The following NXPH1 variants were observed in gnomAD, a reference collection of about 807,000 sequenced individuals.
NXPH1 encodes neurexophilin 1.
A neutral mutation model predicts 23.7 loss-of-function variants in NXPH1; 5 were observed. That is an observed-to-expected ratio of 0.21 (90% CI 0.11 to 0.44). NXPH1 has a LOEUF of 0.44. Ranked by LOEUF, NXPH1 falls within the 20% of genes least tolerant of loss-of-function variation. NXPH1 has a pLI of 0.99. For synonymous variants in NXPH1, 144 were observed against 122.2 expected, an observed-to-expected ratio of 1.18 and a Z score of -1.18; for missense variants, 324 against 321.6, an observed-to-expected ratio of 1.01 and a Z score of -0.06.
At chr7:8,459,951 C>G (rs1816664901) in intron 2 of NXPH1, among the ~76,000 whole-genome samples, 1 of 152,260 alleles carries the variant, frequency 6.6e-6, no homozygotes, top group African/African-American at 2.4e-5. Context: ...CTGAGCTATG[C>G]TGTGACAACC....
At chr7:8,576,012 A>G (rs1818747561) in intron 2 of NXPH1, among the ~76,000 whole-genome samples, 1 of 152,168 alleles carries the variant, frequency 6.6e-6, no homozygotes, top group Non-Finnish European at 1.5e-5. Flanking sequence ...AAAACTTCCC[A>G]TCTCAATAGG....
rs537109607 is a variant in NXPH1 at position 8,495,560 on chromosome 7, G to A, written c.54+59793G>A. ...TTAGAGCCAATTCCATACTTTTCTA[G>A]CATTTTTTTTCATATTCTAAAAATG... On this transcript the variant is annotated intron_variant, in intron 2 of 2. Coordinates refer to ENST00000405863, the MANE Select transcript of NXPH1 (RefSeq NM_152745.3). Among the ~76,000 whole-genome samples the A allele has an allele frequency of 3.2e-4, 48 of 151,984 alleles. No individual in the cohort carries two copies. The Middle Eastern group carries it at 0.01, about 32-fold the overall frequency.
At chr7:8,457,280 T>G (rs1816612875) in intron 2 of NXPH1, among the ~76,000 whole-genome samples, 1 of 152,174 alleles carries the variant, frequency 6.6e-6, no homozygotes, top group South Asian at 2.1e-4. Context: ...CTCTGGTCTA[T>G]GTAGCCTAAA....
intron 2 of NXPH1, among the ~76,000 whole-genome samples, chr7:8,615,608 C>G (rs58844428): frequency 9.1e-4 from 139 of 152,128 alleles, no homozygotes; most frequent in African/African-American, 3.1e-3. Context: ...TGTAAAATAA[C>G]TATTATGTCA....
chr7:8,664,171 AGG>A (rs1176094549), intron 2 of NXPH1, among the ~76,000 whole-genome samples: 1 of 152,086 alleles, frequency 6.6e-6, no homozygotes, highest in Non-Finnish European at 1.5e-5. Flanking sequence ...AAGAAAGCGA[AGG>A]GTAAGCTTAT....
At chr7:8,668,335 T>C (rs980307395) in intron 2 of NXPH1, among the ~76,000 whole-genome samples, 1 of 152,000 alleles carries the variant, frequency 6.6e-6, no homozygotes, top group Non-Finnish European at 1.5e-5. Context: ...CTTATTTTAG[T>C]CTTTGCAGAC....
rs76161528 is a variant in NXPH1 at position 8,561,899 on chromosome 7, A to T, written c.54+126132A>T. 4.0e-3 allele frequency among the ~76,000 whole-genome samples: 606 copies of T among 151,832 alleles called. 5 individuals carry two copies. Among genetic ancestry groups the T allele is most frequent in the East Asian group, 0.013 (69 of 5,122 alleles). ...AGAACAAAGCAGTATGTGATTTTTT[A>T]AAAAAAGTATTGTATATATTTAACA... On this transcript the variant is annotated intron_variant, in intron 2 of 2. Transcript: ENST00000405863.
intron 2 of NXPH1, among the ~76,000 whole-genome samples, chr7:8,674,784 C>A (rs1470360318): frequency 6.6e-6 from 1 of 152,024 alleles, no homozygotes; most frequent in African/African-American, 2.4e-5. Flanking sequence ...AAGAGTAAAT[C>A]ATGCTCTCTG....
At chr7:8,444,055 T>G (rs1730033215) in intron 2 of NXPH1, among the ~76,000 whole-genome samples, 1 of 152,160 alleles carries the variant, frequency 6.6e-6, no homozygotes, top group Non-Finnish European at 1.5e-5. Context: ...GATCCAGAAA[T>G]AAGACGGATA....
At chr7:8,539,157 G>A (rs565256389) in intron 2 of NXPH1, among the ~76,000 whole-genome samples, 2 of 151,836 alleles carry the variant, frequency 1.3e-5, no homozygotes, top group South Asian at 2.1e-4. Context: ...TGGGTAGGTG[G>A]AAGGGGAGGA....
At chr7:8,533,740 C>T (rs933962456) in intron 2 of NXPH1, among the ~76,000 whole-genome samples, 1 of 152,072 alleles carries the variant, frequency 6.6e-6, no homozygotes, top group Non-Finnish European at 1.5e-5. Flanking sequence ...GACCCAGTGG[C>T]ATTGGTCCCA....
At chr7:8,471,623 G>A (rs1243323867) in intron 2 of NXPH1, among the ~76,000 whole-genome samples, 1 of 152,092 alleles carries the variant, frequency 6.6e-6, no homozygotes, top group Non-Finnish European at 1.5e-5. Flanking sequence ...TTCATCCATG[G>A]CCTTCAACTA....
intron 2 of NXPH1, among the ~76,000 whole-genome samples, chr7:8,524,419 T>C (rs10231666): frequency 0.34 from 51,849 of 151,788 alleles, 9,139 homozygotes; most frequent in African/African-American, 0.4. Context: ...ACAGGAGTCT[T>C]TCTGCAGGAT....
chr7:8,472,700 G>A (rs1433842904), intron 2 of NXPH1, among the ~76,000 whole-genome samples: 1 of 152,164 alleles, frequency 6.6e-6, no homozygotes, highest in African/African-American at 2.4e-5. Context: ...AGTCAGGGAA[G>A]CTGTTGGTTT....
chr7:8,636,475 C>G (rs1199357089), intron 2 of NXPH1, among the ~76,000 whole-genome samples: 1 of 152,160 alleles, frequency 6.6e-6, no homozygotes, highest in African/African-American at 2.4e-5. Context: ...ATGCCTACAG[C>G]CCATAATGAT....
chr7:8,656,987 G>A (rs1310965339), intron 2 of NXPH1, among the ~76,000 whole-genome samples: 1 of 152,148 alleles, frequency 6.6e-6, no homozygotes, highest in Non-Finnish European at 1.5e-5. Context: ...TTCCAATTGT[G>A]TATGGCAGAG....
At chr7:8,585,131 C>T (rs1349374973) in intron 2 of NXPH1, among the ~76,000 whole-genome samples, 5 of 152,124 alleles carry the variant, frequency 3.3e-5, no homozygotes, top group Admixed American at 3.3e-4. Flanking sequence ...ATTTGGGGGA[C>T]TTTCTCTAAA....
intron 2 of NXPH1, among the ~76,000 whole-genome samples, chr7:8,488,535 C>G (rs10486229): frequency 1.3e-5 from 2 of 152,056 alleles, no homozygotes; most frequent in African/African-American, 2.4e-5. Flanking sequence ...CTTTCTCCAA[C>G]CATGGCCGCT....
intron 2 of NXPH1, among the ~76,000 whole-genome samples, chr7:8,645,210 A>C (rs1820377706): frequency 6.6e-6 from 1 of 152,184 alleles, no homozygotes; most frequent in African/African-American, 2.4e-5. Flanking sequence ...TGAGTCATGA[A>C]CTATATACAC....
Sources: allele counts gnomAD v4.1 joint callset (sites outside exome capture counted in the v4.1 genomes callset), GRCh38; gene constraint gnomAD v4.1.1; transcripts MANE v1.5; gene names NCBI Gene and HGNC (gene_info 2026-07-23, HGNC 2026-07-21).